The following CAMK1D variants were observed in gnomAD, a reference collection of about 807,000 sequenced individuals.
CAMK1D encodes calcium/calmodulin dependent protein kinase ID, also known as calcium/calmodulin-dependent protein kinase type 1D.
CAMK1D carries 9 observed loss-of-function variants against 47.7 expected under a neutral mutation model. That is an observed-to-expected ratio of 0.19 (90% CI 0.11 to 0.33). The LOEUF (loss-of-function observed/expected upper bound fraction) is 0.33, where lower values mean the gene tolerates loss of function less well. CAMK1D is among the 10% of genes least tolerant of loss of function. The probability of loss-of-function intolerance (pLI) is 1.00; values close to 1 mark genes in which losing one functional copy is unlikely to be tolerated. For missense variants in CAMK1D, 291 were observed against 488.7 expected (o/e 0.60, Z 3.81); for synonymous variants, 184 against 184.9 (o/e 0.99, Z 0.04).
At chr10:12,537,586 G>T (rs945023009) in intron 1 of CAMK1D, among the ~76,000 whole-genome samples, 1 of 152,124 alleles carries the variant, frequency 6.6e-6, no homozygotes, top group African/African-American at 2.4e-5. Context: ...TAATATGCTC[G>T]TTGGCCATTC....
rs936545970 is a variant in CAMK1D, at chr10:12,834,259, C to G, written c.*5372C>G. 6.6e-6 allele frequency: 1 copy of G among 152,438 alleles called. No individual in the cohort carries two copies. The highest frequency in any genetic ancestry group is 1.5e-5 in the Non-Finnish European group (1 of 68,220). The allele number at this position is 152,438 out of a possible 1,614,324, so 9.4% of individuals were successfully genotyped here. On this transcript the variant is annotated 3_prime_UTR_variant, in exon 11 of 11. Transcript: ENST00000619168. Reference sequence around the variant, plus strand: ...TCCCGGGGCATCATGGTCTGCAGCTCTGGGCCCCCAGCCCCACTGTGAAGT... The same window carrying G: ...TCCCGGGGCATCATGGTCTGCAGCTGTGGGCCCCCAGCCCCACTGTGAAGT...
intron 2 of CAMK1D, among the ~76,000 whole-genome samples, chr10:12,628,674 T>C (rs1027676247): frequency 6.6e-6 from 1 of 152,216 alleles, no homozygotes; most frequent in Non-Finnish European, 1.5e-5. Context: ...CCACTCTTTA[T>C]GTTATACATT....
intron 2 of CAMK1D, among the ~76,000 whole-genome samples, chr10:12,613,862 C>T (rs1313331774): frequency 6.6e-6 from 1 of 152,096 alleles, no homozygotes; most frequent in African/African-American, 2.4e-5. Flanking sequence ...TCAAGGTAAG[C>T]AATAATATCC....
At chr10:12,374,127 G>A (rs529210702) in intron 1 of CAMK1D, among the ~76,000 whole-genome samples, 1 of 151,560 alleles carries the variant, frequency 6.6e-6, no homozygotes, top group South Asian at 2.1e-4. Flanking sequence ...AGGTGTCATG[G>A]TGGGCATCTG....
chr10:12,598,372 C>T (rs140919919), intron 2 of CAMK1D, among the ~76,000 whole-genome samples: 52 of 152,260 alleles, frequency 3.4e-4, no homozygotes, highest in African/African-American at 1.2e-3. Context: ...AAAATTCGAA[C>T]GATGTCGATA....
At chr10:12,368,054 C>T (rs1033135632) in intron 1 of CAMK1D, among the ~76,000 whole-genome samples, 72 of 152,052 alleles carry the variant, frequency 4.7e-4, no homozygotes, top group Admixed American at 3.1e-3. Flanking sequence ...TAGCCGGGCG[C>T]GGTGGCGGGC....
chr10:12,737,012 G>A (rs1223926199), intron 3 of CAMK1D, among the ~76,000 whole-genome samples: 1 of 152,212 alleles, frequency 6.6e-6, no homozygotes, highest in Non-Finnish European at 1.5e-5. Flanking sequence ...AGAACAGCGA[G>A]CATCCGTTGA....
chr10:12,564,538 A>G (rs1343315477), intron 2 of CAMK1D, among the ~76,000 whole-genome samples: 1 of 152,144 alleles, frequency 6.6e-6, no homozygotes, highest in African/African-American at 2.4e-5. Context: ...AAGCTATATA[A>G]CTGTTTTTCT....
chr10:12,401,895 C>CTATA (rs10635900), intron 1 of CAMK1D, among the ~76,000 whole-genome samples: 4,605 of 145,908 alleles, frequency 0.032, 126 homozygotes, highest in African/African-American at 0.068. Context: ...TATTCTCAGA[C>CTATA]TATATATATA....
chr10:12,767,825 A>C (rs1836843015), intron 4 of CAMK1D, among the ~76,000 whole-genome samples: 2 of 152,220 alleles, frequency 1.3e-5, no homozygotes, highest in African/African-American at 4.8e-5. Context: ...GGAAGCAATC[A>C]GGTATGTATT....
intron 1 of CAMK1D, among the ~76,000 whole-genome samples, chr10:12,536,872 C>T (rs1371021580): frequency 1.3e-5 from 2 of 152,100 alleles, no homozygotes; most frequent in African/African-American, 4.8e-5. Context: ...ACAGAGTATT[C>T]TGCTGAATGA....
At chr10:12,602,823 C>T (rs1838341788) in intron 2 of CAMK1D, among the ~76,000 whole-genome samples, 1 of 151,876 alleles carries the variant, frequency 6.6e-6, no homozygotes, top group Non-Finnish European at 1.5e-5. Flanking sequence ...TTGAGGACGT[C>T]TGAGCAAAGA....
At chr10:12,716,759 G>T (rs1834152183) in intron 3 of CAMK1D, among the ~76,000 whole-genome samples, 1 of 152,112 alleles carries the variant, frequency 6.6e-6, no homozygotes, top group South Asian at 2.1e-4. Context: ...TATATTTCTG[G>T]AATTGAACTG....
chr10:12,814,914 T>C (rs916272436), intron 7 of CAMK1D, among the ~76,000 whole-genome samples: 1 of 152,172 alleles, frequency 6.6e-6, no homozygotes, highest in African/African-American at 2.4e-5. Context: ...CTCATCCACC[T>C]CTTCTAGCCA....
At chr10:12,775,014 C>T (rs1202694211) in intron 5 of CAMK1D, among the ~76,000 whole-genome samples, 4 of 151,296 alleles carry the variant, frequency 2.6e-5, no homozygotes, top group East Asian at 1.9e-4. Context: ...TGTGAGAAGG[C>T]TCAGGCATTG....
intron 5 of CAMK1D, among the ~76,000 whole-genome samples, chr10:12,782,704 T>A (rs1837553523): frequency 6.6e-6 from 1 of 152,202 alleles, no homozygotes; most frequent in Non-Finnish European, 1.5e-5. Context: ...CCAGCTGTGA[T>A]CTGAGCGTCT....
At chr10:12,827,413 CTCTTTCTT>C (rs201927176) in intron 10 of CAMK1D, among the ~76,000 whole-genome samples, 1 of 71,278 alleles carries the variant, frequency 1.4e-5, no homozygotes, top group African/African-American at 5.6e-5. Context: ...TCTTCTTTCT[CTCTTTCTT>C]TCCTTCCTTC....
intron 3 of CAMK1D, among the ~76,000 whole-genome samples, chr10:12,675,311 T>C (rs1320263603): frequency 6.6e-6 from 1 of 152,208 alleles, no homozygotes; most frequent in African/African-American, 2.4e-5. Flanking sequence ...TAAGCTTGTA[T>C]ATCCAACTGT....
At chr10:12,423,990 C>A (rs1038868509) in intron 1 of CAMK1D, among the ~76,000 whole-genome samples, 3 of 152,178 alleles carry the variant, frequency 2.0e-5, no homozygotes, top group Admixed American at 6.5e-5. Context: ...TCAGGTGATA[C>A]CCTTCAAGGC....
Sources: allele counts gnomAD v4.1 joint callset (sites outside exome capture counted in the v4.1 genomes callset), GRCh38; gene constraint gnomAD v4.1.1; transcripts MANE v1.5; gene names NCBI Gene and HGNC (gene_info 2026-07-23, HGNC 2026-07-21).